RP1: variants seen among roughly 807,000 people sequenced by gnomAD.
RP1 encodes the protein RP1 axonemal microtubule associated.
In RP1, 16 loss-of-function variants were observed where a neutral mutation model predicts 14.8. The observed-to-expected ratio is 1.08, with a 90% confidence interval of 0.73 to 1.65. RP1 has a LOEUF of 1.65. Among genes scored for constraint, RP1 ranks in the 40% most tolerant of loss-of-function variants. RP1 has a pLI of 0.00. For synonymous variants in RP1, 876 were observed against 883.6 expected (o/e 0.99, Z 0.15); for missense variants, 2,631 against 2,535.0 (o/e 1.04, Z -0.81).
chr8:54,773,440 C>T (rs191855809), downstream of RP1, among the ~76,000 whole-genome samples: 33 of 152,014 alleles, frequency 2.2e-4, 1 homozygote, highest in Non-Finnish European at 3.2e-4. Flanking sequence ...AGTTTGAGAC[C>T]AGCCTGGCCA....
At chr8:54,750,591 T>C (rs1215412382) in intron 19 of RP1, among the ~76,000 whole-genome samples, 2 of 105,806 alleles carry the variant, frequency 1.9e-5, no homozygotes, top group East Asian at 2.5e-4. Flanking sequence ...TAATCAGCAC[T>C]CTGTAGCTAG....
At chr8:54,800,743 G>GT (rs1247456951) in intron 24 of RP1, among the ~76,000 whole-genome samples, 3 of 152,044 alleles carry the variant, frequency 2.0e-5, no homozygotes, top group Non-Finnish European at 4.4e-5. Context: ...GTACTCACCT[G>GT]TTTTTTTATG....
At chr8:54,564,877 C>T (rs13281365) in intron 1 of RP1, among the ~76,000 whole-genome samples, 43,342 of 152,176 alleles carry the variant, frequency 0.28, 7,424 homozygotes, top group Non-Finnish European at 0.39. Flanking sequence ...CACACATCTG[C>T]AGGAATTACA....
chr8:54,809,420 G>A (rs761657614), intron 24 of RP1, among the ~76,000 whole-genome samples: 10 of 152,134 alleles, frequency 6.6e-5, no homozygotes, highest in Non-Finnish European at 1.2e-4. Flanking sequence ...TCAGCAATGG[G>A]GGTTCAGTGG....
chr8:54,754,621 A>T (rs1166824987), intron 19 of RP1, among the ~76,000 whole-genome samples: 2 of 152,218 alleles, frequency 1.3e-5, no homozygotes, highest in African/African-American at 4.8e-5. Context: ...CATTAAAAGT[A>T]ATAGCAAAAT....
intron 25 of RP1, among the ~76,000 whole-genome samples, chr8:54,850,361 A>G (rs1201594858): frequency 2.6e-5 from 4 of 152,224 alleles, no homozygotes; most frequent in African/African-American, 7.2e-5. Context: ...GCTAATTTTA[A>G]GTTCTCTTCT....
intron 12 of RP1, among the ~76,000 whole-genome samples, chr8:54,693,116 T>C (rs1488009946): frequency 2.6e-5 from 4 of 152,172 alleles, no homozygotes; most frequent in Non-Finnish European, 4.4e-5. Context: ...TTGTCAAAGA[T>C]CAGATGGTTG....
At chr8:54,614,739 T>C (rs1805675272), upstream of RP1, among the ~76,000 whole-genome samples, 1 of 152,122 alleles carries the variant, frequency 6.6e-6, no homozygotes. Flanking sequence ...CTAAAAGTGC[T>C]CCAAAAGAAA....
chr8:54,782,389 G>C (rs1810209606), intron 23 of RP1, among the ~76,000 whole-genome samples: 1 of 152,186 alleles, frequency 6.6e-6, no homozygotes, highest in East Asian at 1.9e-4. Flanking sequence ...TATACAGACA[G>C]TGGTGGGTGG....
intron 1 of RP1, among the ~76,000 whole-genome samples, chr8:54,610,341 T>C (rs372509793): frequency 6.6e-6 from 1 of 152,208 alleles, no homozygotes; most frequent in Admixed American, 6.5e-5. Context: ...CTGCTATCTT[T>C]GCAGTGCTTT....
chr8:54,789,647 T>C lies in RP1; in HGVS notation c.3615+5937T>C, dbSNP rs144561267. ...CCCCACCTGACAATAAAACCCAGCC[T>C]ATGGTCTTGCTAAATTGTGGAGCAT... On this transcript the variant is annotated intron_variant, in intron 24 of 28. Coordinates refer to the RP1 transcript ENST00000637698. Among the ~76,000 whole-genome samples the C allele has an allele frequency of 1.3e-4, 20 of 152,278 alleles. No individual in the cohort carries two copies. The East Asian group carries it at 3.7e-3, about 28-fold the overall frequency.
At chr8:54,564,242 G>A (rs1230231758) in intron 1 of RP1, among the ~76,000 whole-genome samples, 1 of 152,136 alleles carries the variant, frequency 6.6e-6, no homozygotes, top group Non-Finnish European at 1.5e-5. Flanking sequence ...CAGGGTCTGA[G>A]GATGCCACTA....
chr8:54,771,799 G>A (rs1461189799), downstream of RP1, among the ~76,000 whole-genome samples: 3 of 152,034 alleles, frequency 2.0e-5, no homozygotes, highest in East Asian at 5.8e-4. Context: ...GCTAATTTAT[G>A]GTGTGGAAAG....
chr8:54,607,562 C>T (rs1180758221), intron 1 of RP1, among the ~76,000 whole-genome samples: 1 of 152,328 alleles, frequency 6.6e-6, no homozygotes, highest in Non-Finnish European at 1.5e-5. Context: ...CCACTACTCT[C>T]TTCCAAGCTT....
chr8:54,724,041 C>A (rs1808594834), intron 16 of RP1, among the ~76,000 whole-genome samples: 1 of 152,096 alleles, frequency 6.6e-6, no homozygotes, highest in African/African-American at 2.4e-5. Flanking sequence ...ATAAGAATTT[C>A]TTTCAGGTTC....
chr8:54,867,035 C>T (rs1052590853), intron 28 of RP1, among the ~76,000 whole-genome samples: 1 of 152,162 alleles, frequency 6.6e-6, no homozygotes, highest in Non-Finnish European at 1.5e-5. Context: ...CTTCAAAGAA[C>T]TTCCAATTGA....
chr8:54,699,467 G>A, exon 13 of RP1: 1 of 1,345,328 alleles, frequency 7.4e-7, no homozygotes, highest in South Asian at 2.0e-5. Context: ...TGTTTTCCAG[G>A]TGTCTTTGAT....
Position 54,627,757 on chromosome 8 carries a change from C to A in RP1, c.3875C>A (p.Ser1292Tyr). The change falls in exon 4 of 4, where the codon TCT becomes TAT. Residue 1292 changes from serine to tyrosine, a missense_variant. Transcript: ENST00000220676. ...GATGGTTATGGTGTGGATCAGACTT[C>A]TATGAATAAGGCTTGTTTCCTAGGA... ...PSDGYGVDQT[S>Y]MNKACFLGEV... is the part of the protein sequence containing the mutation. 1 of 1,614,050 alleles carries A rather than the reference C, an allele frequency of 6.2e-7. No homozygotes were observed.
chr8:54,655,408 A>C (rs139445896), intron 5 of RP1, among the ~76,000 whole-genome samples: 55 of 152,210 alleles, frequency 3.6e-4, no homozygotes, highest in Middle Eastern at 3.4e-3. Context: ...TTCCTACCAG[A>C]AATTATTAAC....
Sources: allele counts gnomAD v4.1 joint callset (sites outside exome capture counted in the v4.1 genomes callset), GRCh38; gene constraint gnomAD v4.1.1; transcripts MANE v1.5; gene names NCBI Gene and HGNC (gene_info 2026-07-23, HGNC 2026-07-21).